SESN1: variants seen among roughly 807,000 people sequenced by gnomAD.
SESN1 encodes sestrin-1.
Under a neutral mutation model 59.3 loss-of-function variants are expected in SESN1, and 30 were observed. That is an observed-to-expected ratio of 0.51 (90% CI 0.38 to 0.69). The LOEUF is 0.69. Ranked by LOEUF, SESN1 falls within the 30% of genes least tolerant of loss-of-function variation. The probability of loss-of-function intolerance (pLI) is 0.00; values close to 1 mark genes in which losing one functional copy is unlikely to be tolerated. For missense variants in SESN1, 566 were observed against 673.0 expected (o/e 0.84, Z 1.76); for synonymous variants, 197 against 219.9 (o/e 0.90, Z 0.92).
At position 108,990,629 on chromosome 6, in the gene SESN1, C is replaced by T. The variant is rs962393861; in HGVS notation, c.1424+16G>A. On this transcript the variant is annotated intron_variant, in intron 8 of 9. Coordinates refer to ENST00000436639, the MANE Select transcript of SESN1 (RefSeq NM_014454.3). ...AGAGGAAAACATCTCTTTATAAACA[C>T]AGAAAGAAGACTAACCTTATTCCAA... 1.9e-6 allele frequency: 3 copies of T among 1,612,330 alleles called. No individual in the cohort carries two copies. Among genetic ancestry groups the T allele is most frequent in the African/African-American group, 2.7e-5 (2 of 74,832 alleles).
intron 1 of SESN1, among the ~76,000 whole-genome samples, chr6:109,028,522 T>C (rs1780131647): frequency 6.6e-6 from 1 of 152,218 alleles, no homozygotes; most frequent in Non-Finnish European, 1.5e-5. Context: ...ATTAACTCCA[T>C]GCAGCAAAAA....
In SESN1 at chr6:109,079,194, G is replaced by GAAA. The variant is rs200879750; in HGVS notation, c.279+14598_279+14600dup. ...TAAAGTTATTTTTCTGTGCTAAACT[G>GAAA]AAAAAAAAAAAAAGAAACAAAAGGG... On this transcript the variant is annotated intron_variant, in intron 1 of 9. Transcript: ENST00000436639. Among the ~76,000 whole-genome samples, 521 of 144,066 alleles carry GAAA rather than the reference G, an allele frequency of 3.6e-3. 2 individuals are homozygous for GAAA. The highest frequency in any genetic ancestry group is 9.8e-3 in the African/African-American group (386 of 39,410). 94.5% of individuals were successfully genotyped at this position (144,066 alleles called of 152,430 possible). A position where few individuals can be genotyped will look rare whatever the true frequency, so the allele number is the denominator to read the frequency against.
intron 5 of SESN1, 144 bp from the exon 6 acceptor site, chr6:108,994,753 A>T (rs113277194): frequency 0.025 from 16,348 of 648,204 alleles, 496 homozygotes; most frequent in African/African-American, 0.12. Context: ...CCCAGGCTGC[A>T]GTGCAGTGGC....
At chr6:109,046,662 A>C (rs1478110872) in intron 1 of SESN1, among the ~76,000 whole-genome samples, 2 of 122,794 alleles carry the variant, frequency 1.6e-5, no homozygotes, top group Admixed American at 1.6e-4. Context: ...AGCCGCCATC[A>C]CATCTAGGAA....
At chr6:109,015,306 A>G (rs1463683299) in intron 1 of SESN1, among the ~76,000 whole-genome samples, 1 of 152,034 alleles carries the variant, frequency 6.6e-6, no homozygotes, top group Non-Finnish European at 1.5e-5. Context: ...TTTTTCTTTG[A>G]TATTTCTGTG....
chr6:109,083,703 T>TGTCTCCC (rs1156565540), intron 1 of SESN1, among the ~76,000 whole-genome samples: 1 of 152,232 alleles, frequency 6.6e-6, no homozygotes, highest in East Asian at 1.9e-4. Context: ...TGAGAAAACC[T>TGTCTCCC]GTCTCCCTAA....
chr6:109,088,799 G>T (rs574127572), intron 1 of SESN1, among the ~76,000 whole-genome samples: 1 of 152,102 alleles, frequency 6.6e-6, no homozygotes, highest in African/African-American at 2.4e-5. Flanking sequence ...CCATTCCTTT[G>T]TTTAGAGAAT....
intron 7 of SESN1, among the ~76,000 whole-genome samples, chr6:108,991,929 G>C (rs1030067308): frequency 4.6e-5 from 7 of 151,998 alleles, no homozygotes; most frequent in Non-Finnish European, 1.0e-4. Context: ...CTCAACCTAA[G>C]CTTAATTATT....
intron 1 of SESN1, among the ~76,000 whole-genome samples, chr6:109,083,286 G>A (rs1160702763): frequency 6.6e-6 from 1 of 152,176 alleles, no homozygotes; most frequent in Non-Finnish European, 1.5e-5. Flanking sequence ...GTCAAAGTGA[G>A]ACTGTGGATA....
intron 1 of SESN1, among the ~76,000 whole-genome samples, chr6:109,070,687 ATG>A (rs763815287): frequency 1.3e-5 from 2 of 152,234 alleles, no homozygotes; most frequent in Non-Finnish European, 1.5e-5. Flanking sequence ...AAATCTGAAA[ATG>A]TAATCTCCAA....
At chr6:109,064,838 T>A (rs771752384) in intron 1 of SESN1, among the ~76,000 whole-genome samples, 48 of 152,042 alleles carry the variant, frequency 3.2e-4, no homozygotes, top group Non-Finnish European at 5.7e-4. Flanking sequence ...CTAGTAACAA[T>A]TTAGCAATCT....
In SESN1 at chr6:109,000,479, C is replaced by A; in HGVS notation, c.729+12G>T. 6.6e-7 allele frequency: 1 copy of A among 1,512,170 alleles called. No homozygotes were observed. Among genetic ancestry groups the A allele is most frequent in the Non-Finnish European group, 8.9e-7 (1 of 1,126,524 alleles). The allele number at this position is 1,512,170 out of a possible 1,614,324, so 93.7% of individuals were successfully genotyped here. On this transcript the variant is annotated intron_variant, in intron 4 of 9. Transcript: ENST00000436639. ...TGAAATGACTCCCAAGATATATTAC[C>A]CCACTGCTTACCTCAATGTGTTCTT... is the stretch of plus-strand genomic sequence containing the variant.
chr6:109,000,851 T>A (rs1779606456), intron 3 of SESN1, among the ~76,000 whole-genome samples, 178 bp from the exon 4 acceptor site: 1 of 152,178 alleles, frequency 6.6e-6, no homozygotes, highest in Admixed American at 6.5e-5. Context: ...TGTAAGAACC[T>A]TAGAAATATT....
intron 1 of SESN1, among the ~76,000 whole-genome samples, chr6:109,062,424 T>C (rs116166438): frequency 0.012 from 1,896 of 152,286 alleles, 51 homozygotes; most frequent in African/African-American, 0.041. Flanking sequence ...AGCCACACCA[T>C]GGAGGGCCTT....
At chr6:109,026,849 G>T (rs777607737) in intron 1 of SESN1, among the ~76,000 whole-genome samples, 2 of 151,814 alleles carry the variant, frequency 1.3e-5, no homozygotes, top group Non-Finnish European at 2.9e-5. Context: ...CAAAGTAGTT[G>T]TACCATTTTA....
At chr6:109,057,187 T>C (rs554679969) in intron 1 of SESN1, among the ~76,000 whole-genome samples, 41 of 152,352 alleles carry the variant, frequency 2.7e-4, no homozygotes, top group African/African-American at 8.7e-4. Context: ...ACCTCCCAGC[T>C]AAGCCATTCC....
intron 1 of SESN1, among the ~76,000 whole-genome samples, chr6:109,090,846 T>A (rs1781305457): frequency 6.6e-6 from 1 of 152,202 alleles, no homozygotes; most frequent in South Asian, 2.1e-4. Flanking sequence ...CACAGCTCAC[T>A]GCAACCTCGA....
At chr6:109,042,748 C>A (rs2114419257) in intron 1 of SESN1, among the ~76,000 whole-genome samples, 1 of 152,094 alleles carries the variant, frequency 6.6e-6, no homozygotes, top group East Asian at 1.9e-4. Flanking sequence ...ATTTCCAAAT[C>A]CAGTTTATTT....
intron 1 of SESN1, among the ~76,000 whole-genome samples, chr6:109,080,568 C>T (rs908560553): frequency 2.0e-5 from 3 of 152,074 alleles, no homozygotes; most frequent in Admixed American, 1.3e-4. Flanking sequence ...TGATATGCAA[C>T]TTAATAACAT....
Sources: gnomAD v4.1 joint callset for allele counts (sites outside exome capture counted in the v4.1 genomes callset) on GRCh38, gnomAD v4.1.1 for gene constraint, MANE v1.5 for transcripts, NCBI Gene and HGNC (gene_info 2026-07-23, HGNC 2026-07-21) for gene names.